BCKDHB: variants seen among roughly 807,000 people sequenced by gnomAD.
BCKDHB encodes 2-oxoisovalerate dehydrogenase subunit beta, mitochondrial.
A neutral mutation model predicts 48.5 loss-of-function variants in BCKDHB; 41 were observed. That is an observed-to-expected ratio of 0.85 (90% CI 0.66 to 1.10). The LOEUF (loss-of-function observed/expected upper bound fraction) is 1.10. BCKDHB is among the 50% of genes least tolerant of loss of function. The probability of loss-of-function intolerance (pLI) is 0.00; values close to 1 mark genes in which losing one functional copy is unlikely to be tolerated. For synonymous variants in BCKDHB, 201 were observed against 174.8 expected (o/e 1.15, Z -1.18); for missense variants, 496 against 494.2 (o/e 1.00, Z -0.03).
intron 9 of BCKDHB, among the ~76,000 whole-genome samples, chr6:80,291,710 C>T (rs2127984772): frequency 6.6e-6 from 1 of 152,122 alleles, no homozygotes; most frequent in South Asian, 2.1e-4. Flanking sequence ...CAGGAGTAAG[C>T]AGGGTTAGTC....
At chr6:80,176,790 C>G (rs1438682818) in intron 6 of BCKDHB, among the ~76,000 whole-genome samples, 1 of 152,150 alleles carries the variant, frequency 6.6e-6, no homozygotes, top group Admixed American at 6.5e-5. Context: ...TCTCTGGAGT[C>G]ACTTCAACTT....
intron 1 of BCKDHB, among the ~76,000 whole-genome samples, chr6:80,107,304 TTA>T (rs995670429): frequency 1.2e-4 from 16 of 128,878 alleles, no homozygotes; most frequent in African/African-American, 4.2e-4. Flanking sequence ...ATATATATGT[TTA>T]TATATATATA....
chr6:80,368,994 CAG>C, the BCKDHB span, among the ~76,000 whole-genome samples: 1 of 140,390 alleles, frequency 7.1e-6, no homozygotes, highest in South Asian at 2.3e-4. Context: ...GCTTGGGTGA[CAG>C]AGTGAGACTC....
the BCKDHB span, among the ~76,000 whole-genome samples, chr6:80,417,160 A>G: frequency 6.6e-6 from 1 of 152,140 alleles, no homozygotes; most frequent in African/African-American, 2.4e-5. Flanking sequence ...GTCTGAAATT[A>G]GGATTGCAAC....
At chr6:80,212,441 T>C (rs113176945) in intron 8 of BCKDHB, among the ~76,000 whole-genome samples, 5,116 of 152,252 alleles carry the variant, frequency 0.034, 276 homozygotes, top group African/African-American at 0.12. Flanking sequence ...AATGTGGCTC[T>C]TTTTGCCCGA....
the BCKDHB span, among the ~76,000 whole-genome samples, chr6:80,384,777 T>G: frequency 6.6e-6 from 1 of 152,182 alleles, no homozygotes; most frequent in Non-Finnish European, 1.5e-5. Context: ...TATATATATC[T>G]TATTAGTTCT....
intron 6 of BCKDHB, among the ~76,000 whole-genome samples, chr6:80,197,996 A>G (rs1271619304): frequency 1.3e-5 from 2 of 152,018 alleles, no homozygotes; most frequent in Admixed American, 6.5e-5. Context: ...GCATCTATCC[A>G]TGCAATGAAT....
the BCKDHB span, among the ~76,000 whole-genome samples, chr6:80,434,667 G>T: frequency 6.6e-6 from 1 of 151,906 alleles, no homozygotes; most frequent in Non-Finnish European, 1.5e-5. Flanking sequence ...CTTTCTTAGG[G>T]CTTTGTTTTC....
Position 80,328,157 on chromosome 6 carries a change from T to C in BCKDHB, c.1039-15507T>C, listed in dbSNP as rs150797870. 1.8e-3 allele frequency among the ~76,000 whole-genome samples: 279 copies of C among 152,294 alleles called. 2 individuals are homozygous for C. Among genetic ancestry groups the C allele is most frequent in the African/African-American group, 6.4e-3 (266 of 41,574 alleles). Reference sequence around the variant, plus strand: ...TCTCCCAGCCTGAGAGATATTAAGATAAGGGAAAACTAGATTTTGCAGGTA... The same window carrying C: ...TCTCCCAGCCTGAGAGATATTAAGACAAGGGAAAACTAGATTTTGCAGGTA... On this transcript the variant is annotated intron_variant, in intron 9 of 9. Coordinates refer to ENST00000320393, the MANE Select transcript of BCKDHB (RefSeq NM_183050.4).
chr6:80,347,162 C>A (rs1214142634), downstream of BCKDHB, among the ~76,000 whole-genome samples: 1 of 152,132 alleles, frequency 6.6e-6, no homozygotes, highest in Non-Finnish European at 1.5e-5. Context: ...AAAGTAAAGG[C>A]ACTTGATCAC....
chr6:80,377,264 A>G, the BCKDHB span, among the ~76,000 whole-genome samples: 1 of 151,938 alleles, frequency 6.6e-6, no homozygotes, highest in Admixed American at 6.6e-5. Flanking sequence ...CTGGTCTCGA[A>G]CTCCCAAATT....
chr6:80,382,662 C>A, the BCKDHB span, among the ~76,000 whole-genome samples: 2 of 152,108 alleles, frequency 1.3e-5, no homozygotes, highest in African/African-American at 4.8e-5. Context: ...TTCTCCCACA[C>A]TTCCCTGGAC....
intron 8 of BCKDHB, among the ~76,000 whole-genome samples, chr6:80,219,500 C>A (rs966294328): frequency 6.6e-6 from 1 of 152,162 alleles, no homozygotes; most frequent in Admixed American, 6.6e-5. Flanking sequence ...AGCCACCGCA[C>A]CCAGGGTACT....
At chr6:80,166,755 T>A (rs1000948408) in intron 3 of BCKDHB, among the ~76,000 whole-genome samples, 1 of 152,216 alleles carries the variant, frequency 6.6e-6, no homozygotes, top group African/African-American at 2.4e-5. Flanking sequence ...GTAATTTTCA[T>A]CTTTTAAAAT....
At chr6:80,252,737 T>A (rs1776884647) in intron 8 of BCKDHB, among the ~76,000 whole-genome samples, 1 of 152,214 alleles carries the variant, frequency 6.6e-6, no homozygotes, top group African/African-American at 2.4e-5. Flanking sequence ...AGTATAGTTA[T>A]GTATAAATCT....
chr6:80,434,372 AGAGTATTATTTTAATAATAC>A, the BCKDHB span, among the ~76,000 whole-genome samples: 3 of 151,558 alleles, frequency 2.0e-5, no homozygotes, highest in Non-Finnish European at 4.4e-5. Flanking sequence ...TCTACAAAGT[AGAGTATTATTTTAATAATAC>A]TCATAATACT....
intron 6 of BCKDHB, among the ~76,000 whole-genome samples, chr6:80,188,799 TA>T (rs1773765878): frequency 6.6e-6 from 1 of 152,026 alleles, no homozygotes; most frequent in Non-Finnish European, 1.5e-5. Context: ...AAAATAAAAA[TA>T]AAAATAAAAA....
At chr6:80,329,028 G>GA (rs1169564089) in intron 9 of BCKDHB, among the ~76,000 whole-genome samples, 1 of 152,014 alleles carries the variant, frequency 6.6e-6, no homozygotes, top group Admixed American at 6.6e-5. Flanking sequence ...ATAGGGAGTG[G>GA]AAACCAGTAG....
chr6:80,178,586 G>A (rs1220594874), intron 6 of BCKDHB, among the ~76,000 whole-genome samples: 4 of 152,164 alleles, frequency 2.6e-5, no homozygotes, highest in Admixed American at 2.0e-4. Flanking sequence ...TAGTCTTTAA[G>A]TACCATTAGA....
Sources: gnomAD v4.1 joint callset for allele counts (sites outside exome capture counted in the v4.1 genomes callset) on GRCh38, gnomAD v4.1.1 for gene constraint, MANE v1.5 for transcripts, NCBI Gene and HGNC (gene_info 2026-07-23, HGNC 2026-07-21) for gene names.